LHFPL6: variants seen among roughly 807,000 people sequenced by gnomAD.
The protein encoded by LHFPL6 is LHFPL tetraspan subfamily member 6.
In LHFPL6, 9 loss-of-function variants were observed where a neutral mutation model predicts 20.6. That is an observed-to-expected ratio of 0.44 (90% CI 0.26 to 0.76). The LOEUF (loss-of-function observed/expected upper bound fraction) is 0.76, where lower values mean the gene tolerates loss of function less well. Among genes scored for constraint, LHFPL6 ranks in the 30% least tolerant of loss-of-function variants. LHFPL6 has a pLI of 0.20. For synonymous variants in LHFPL6, 105 were observed against 98.7 expected (o/e 1.06, Z -0.38); for missense variants, 218 against 253.5 (o/e 0.86, Z 0.95).
At chr13:39,361,893 AG>A (rs1165467823) in intron 3 of LHFPL6, among the ~76,000 whole-genome samples, 1 of 152,142 alleles carries the variant, frequency 6.6e-6, no homozygotes, top group African/African-American at 2.4e-5. Flanking sequence ...TACGGTTGGG[AG>A]GGCAGCATGT....
At chr13:39,546,489 G>A (rs1044459424) in intron 2 of LHFPL6, among the ~76,000 whole-genome samples, 25 of 152,118 alleles carry the variant, frequency 1.6e-4, no homozygotes, top group African/African-American at 5.8e-4. Context: ...CATCACTTGA[G>A]ATCTTGTTAG....
intron 2 of LHFPL6, among the ~76,000 whole-genome samples, chr13:39,513,453 T>C (rs944491876): frequency 1.3e-5 from 2 of 152,328 alleles, no homozygotes; most frequent in African/African-American, 2.4e-5. Context: ...TGAATTTTTT[T>C]CCCAAAATAT....
intron 2 of LHFPL6, among the ~76,000 whole-genome samples, chr13:39,410,711 C>T (rs887324505): frequency 1.3e-5 from 2 of 152,136 alleles, no homozygotes; most frequent in African/African-American, 4.8e-5. Flanking sequence ...TTGTACAAAA[C>T]CTCCCAGAGG....
At chr13:39,459,234 G>A (rs1372128270) in intron 2 of LHFPL6, among the ~76,000 whole-genome samples, 1 of 144,264 alleles carries the variant, frequency 6.9e-6, no homozygotes, top group Non-Finnish European at 1.5e-5. Context: ...GTGTGTGTGT[G>A]TGTGTGTTCG....
intron 2 of LHFPL6, among the ~76,000 whole-genome samples, chr13:39,402,832 C>T (rs1019106351): frequency 3.5e-4 from 54 of 152,190 alleles, no homozygotes; most frequent in African/African-American, 1.3e-3. Context: ...TCTATGTAAT[C>T]CAGCAGTATC....
chr13:39,555,446 T>A (rs1352137345), intron 2 of LHFPL6, among the ~76,000 whole-genome samples: 1 of 151,842 alleles, frequency 6.6e-6, no homozygotes, highest in Non-Finnish European at 1.5e-5. Flanking sequence ...AGTTCTGTAA[T>A]CACACACACA....
chr13:39,478,957 T>G (rs1868400435), intron 2 of LHFPL6, among the ~76,000 whole-genome samples: 1 of 151,282 alleles, frequency 6.6e-6, no homozygotes, highest in South Asian at 2.1e-4. Flanking sequence ...TATCGATATG[T>G]CTCTATATAT....
intron 2 of LHFPL6, among the ~76,000 whole-genome samples, chr13:39,427,279 C>T (rs889290881): frequency 6.6e-6 from 1 of 152,088 alleles, no homozygotes; most frequent in Non-Finnish European, 1.5e-5. Flanking sequence ...CTTTCTTTTC[C>T]TTGCTTTATT....
chr13:39,493,482 T>C (rs1460515113), intron 2 of LHFPL6, among the ~76,000 whole-genome samples: 1 of 152,112 alleles, frequency 6.6e-6, no homozygotes, highest in Admixed American at 6.5e-5. Context: ...AAGTTGTTTA[T>C]GAAAAAATTG....
chr13:39,375,269 A>G (rs1369218650), intron 3 of LHFPL6, among the ~76,000 whole-genome samples: 1 of 152,234 alleles, frequency 6.6e-6, no homozygotes, highest in East Asian at 1.9e-4. Flanking sequence ...GCAGCCCACC[A>G]GCTACAGTTC....
At chr13:39,576,330 G>T (rs911454811) in intron 2 of LHFPL6, among the ~76,000 whole-genome samples, 4 of 152,280 alleles carry the variant, frequency 2.6e-5, no homozygotes, top group Middle Eastern at 3.4e-3. Flanking sequence ...TTTAAATTTT[G>T]TGCTAAGAAA....
chr13:39,548,471 T>C (rs1311955555), intron 2 of LHFPL6, among the ~76,000 whole-genome samples: 1 of 152,138 alleles, frequency 6.6e-6, no homozygotes, highest in Non-Finnish European at 1.5e-5. Context: ...GGTCAGCAGC[T>C]GCCGTAGACT....
intron 2 of LHFPL6, among the ~76,000 whole-genome samples, chr13:39,505,613 T>C (rs1869451012): frequency 6.6e-6 from 1 of 152,150 alleles, no homozygotes; most frequent in Non-Finnish European, 1.5e-5. Flanking sequence ...TGATTTTGGC[T>C]AAAAGAAGGA....
At position 39,552,432 on chromosome 13, in the gene LHFPL6, C is replaced by A. The variant is rs771802325; in HGVS notation, c.385+48400G>T. Among the ~76,000 whole-genome samples, 47 of 152,182 alleles carry A rather than the reference C, an allele frequency of 3.1e-4. 1 individual carries two copies. Among genetic ancestry groups the A allele is most frequent in the Middle Eastern group, 6.8e-3 (2 of 294 alleles). On this transcript the variant is annotated intron_variant, in intron 2 of 3. Coordinates refer to ENST00000379589, the MANE Select transcript of LHFPL6 (RefSeq NM_005780.3). The stretch of plus-strand genomic sequence containing the variant: ...AGTGACAGTGACACACTGTCACTGT[C>A]ATGAACAGCAGGAGTGAGTACTGGT...
intron 2 of LHFPL6, among the ~76,000 whole-genome samples, chr13:39,442,167 T>C (rs1872157060): frequency 6.6e-6 from 1 of 152,132 alleles, no homozygotes; most frequent in Non-Finnish European, 1.5e-5. Context: ...TATCAAATAG[T>C]CTTCTATGAT....
Position 39,343,497 on chromosome 13 carries a change from C to T in LHFPL6, c.*439G>A, listed in dbSNP as rs8253. ...TACAGGGAACATCTTTGGGGGTACCCTGCTTCCCAACATAACACTGTTTCT... is the reference window on the plus strand; with the variant it reads ...TACAGGGAACATCTTTGGGGGTACCTTGCTTCCCAACATAACACTGTTTCT... On this transcript the variant is annotated 3_prime_UTR_variant, in exon 4 of 4. Coordinates refer to ENST00000379589, the MANE Select transcript of LHFPL6 (RefSeq NM_005780.3). 0.052 allele frequency: 12,064 copies of T among 232,514 alleles called. 592 individuals are homozygous for T. Among genetic ancestry groups the T allele is most frequent in the East Asian group, 0.18 (2,949 of 16,376 alleles). The allele number at this position is 232,514 out of a possible 1,614,324, so 14.4% of individuals were successfully genotyped here.
intron 2 of LHFPL6, among the ~76,000 whole-genome samples, chr13:39,494,298 T>A (rs1187270875): frequency 6.6e-6 from 1 of 152,268 alleles, no homozygotes; most frequent in East Asian, 1.9e-4. Flanking sequence ...GGCACTGTGC[T>A]AAGCAGTTCG....
At position 39,562,441 on chromosome 13, in the gene LHFPL6, T is replaced by TATATACATATATAC. The variant is rs1414753188; in HGVS notation, c.385+38390_385+38391insGTATATATGTATAT. ...ACATATACATATATACATATATACA[T>TATATACATATATAC]ATATACACATATATACATATATACA... On this transcript the variant is annotated intron_variant, in intron 2 of 3. Coordinates refer to ENST00000379589, the MANE Select transcript of LHFPL6 (RefSeq NM_005780.3). Among the ~76,000 whole-genome samples, 3 of 99,152 alleles carry TATATACATATATAC rather than the reference T, an allele frequency of 3.0e-5. No homozygotes were observed. The South Asian group carries it at 9.5e-4, about 31-fold the overall frequency. 65.0% of individuals were successfully genotyped at this position (99,152 alleles called of 152,430 possible).
intron 2 of LHFPL6, among the ~76,000 whole-genome samples, chr13:39,421,077 T>C (rs1871471890): frequency 6.9e-6 from 1 of 145,654 alleles, no homozygotes; most frequent in African/African-American, 2.5e-5. Flanking sequence ...CAATATCCAA[T>C]ATCTGTCTAT....
Sources: gnomAD v4.1 joint callset for allele counts (sites outside exome capture counted in the v4.1 genomes callset) on GRCh38, gnomAD v4.1.1 for gene constraint, MANE v1.5 for transcripts, NCBI Gene and HGNC (gene_info 2026-07-23, HGNC 2026-07-21) for gene names.